The following ZFHX3 variants were observed in gnomAD, a reference collection of about 807,000 sequenced individuals.
ZFHX3 encodes zinc finger homeobox 3, also known as zinc finger homeobox protein 3.
ZFHX3 carries 42 observed loss-of-function variants against 279.1 expected under a neutral mutation model. The observed-to-expected ratio is 0.15, with a 90% CI of 0.12 to 0.19. The LOEUF (loss-of-function observed/expected upper bound fraction) is 0.19. ZFHX3 is among the 10% of genes least tolerant of loss of function. The probability of loss-of-function intolerance (pLI) is 1.00; values close to 1 mark genes in which losing one functional copy is unlikely to be tolerated. For synonymous variants in ZFHX3, 2,293 were observed against 1,957.8 expected, an observed-to-expected ratio of 1.17 and a Z score of -4.52; for missense variants, 4,981 against 4,754.0, an observed-to-expected ratio of 1.05 and a Z score of -1.40.
At chr16:72,849,496 A>G (rs1475625133) in intron 4 of ZFHX3, among the ~76,000 whole-genome samples, 1 of 152,148 alleles carries the variant, frequency 6.6e-6, no homozygotes, top group Non-Finnish European at 1.5e-5. Context: ...GATCCTGCCT[A>G]AGTCCCAACC....
At position 73,000,783 on chromosome 16, in the gene ZFHX3, G is replaced by T. The variant is rs536331884; in HGVS notation, c.-49-40589C>A. On this transcript the variant is annotated intron_variant, in intron 1 of 9. Coordinates refer to ENST00000268489, the MANE Select transcript of ZFHX3 (RefSeq NM_006885.4). ...GGATGGGCGTCAGATCATGTGACAAGACCTTCCTCCACGTTCGACACACTC... is the reference window on the plus strand; with the variant it reads ...GGATGGGCGTCAGATCATGTGACAATACCTTCCTCCACGTTCGACACACTC... 6.6e-5 allele frequency among the ~76,000 whole-genome samples: 10 copies of T among 152,308 alleles called. No individual in the cohort carries two copies. In the East Asian group the frequency reaches 1.9e-3, roughly 29 times the overall value.
intron 2 of ZFHX3, among the ~76,000 whole-genome samples, chr16:73,507,564 T>C (rs1412834203): frequency 1.4e-5 from 2 of 144,224 alleles, no homozygotes; most frequent in East Asian, 2.2e-4. Context: ...GGTGCAGTCA[T>C]GGCTCACTGC....
rs917662889 is a variant in ZFHX3, at chr16:73,104,811, C to T, written c.-896-11213G>A. On this transcript the variant is annotated intron_variant, in intron 7 of 17. Transcript: ENST00000641206. ...ACTTCAGAAGCCTTCCTTGGCCACT[C>T]CTTCAACCCCACCATTCTGTCCCCC... is the stretch of plus-strand genomic sequence containing the variant. 2.0e-5 allele frequency among the ~76,000 whole-genome samples: 3 copies of T among 152,076 alleles called. No individual in the cohort carries two copies. In the East Asian group the frequency reaches 5.8e-4, roughly 29 times the overall value.
At chr16:73,409,457 A>T (rs1055022255) in intron 3 of ZFHX3, among the ~76,000 whole-genome samples, 1 of 152,226 alleles carries the variant, frequency 6.6e-6, no homozygotes, top group African/African-American at 2.4e-5. Flanking sequence ...TATCCAAAAG[A>T]CAGGCAATAA....
chr16:73,397,847 G>A (rs551151824), intron 3 of ZFHX3, among the ~76,000 whole-genome samples: 152 of 152,086 alleles, frequency 1.0e-3, no homozygotes, highest in African/African-American at 3.3e-3. Flanking sequence ...TTTTGTTTTC[G>A]CTTTTGTTTC....
chr16:73,119,695 G>A (rs12446778), intron 7 of ZFHX3, among the ~76,000 whole-genome samples: 67,680 of 151,968 alleles, frequency 0.45, 16,719 homozygotes, highest in Middle Eastern at 0.6. Flanking sequence ...TTTATTTTAC[G>A]TCTTTTAGAA....
At chr16:73,319,224 T>C (rs1023647783) in intron 3 of ZFHX3, among the ~76,000 whole-genome samples, 2 of 152,050 alleles carry the variant, frequency 1.3e-5, no homozygotes, top group Admixed American at 6.6e-5. Context: ...TGATTCTTTA[T>C]GCTTCCCTGA....
intron 2 of ZFHX3, among the ~76,000 whole-genome samples, chr16:73,484,610 C>T (rs779925998): frequency 6.6e-6 from 1 of 152,198 alleles, no homozygotes; most frequent in African/African-American, 2.4e-5. Flanking sequence ...AGTATCACCA[C>T]GGTAGCAGGG....
intron 5 of ZFHX3, among the ~76,000 whole-genome samples, chr16:73,161,472 G>A (rs764070717): frequency 6.6e-6 from 1 of 152,202 alleles, no homozygotes; most frequent in Non-Finnish European, 1.5e-5. Flanking sequence ...GCTATTTGTG[G>A]AAGGGATTAT....
chr16:73,038,787 C>CTAT (rs10539654), intron 1 of ZFHX3, among the ~76,000 whole-genome samples: 2,971 of 147,048 alleles, frequency 0.02, 52 homozygotes, highest in Middle Eastern at 0.071. Context: ...CTTTTTATTA[C>CTAT]TATTATTATT....
At chr16:73,334,293 G>A (rs2015865171) in intron 3 of ZFHX3, among the ~76,000 whole-genome samples, 1 of 152,136 alleles carries the variant, frequency 6.6e-6, no homozygotes, top group African/African-American at 2.4e-5. Context: ...GCTGATCCGT[G>A]GGAGGGCCAT....
rs544506701 is a variant in ZFHX3, at chr16:73,548,467, C to CT, written c.-1546-92210dup. ...ACTTTTGACACTTTGGGTGTTTAGC[C>CT]TTTTTTTTTTTTAAAAAAAAGTGCA... On this transcript the variant is annotated intron_variant, in intron 2 of 17. Transcript: ENST00000641206. 7.6e-3 allele frequency among the ~76,000 whole-genome samples: 1,056 copies of CT among 138,620 alleles called. 9 individuals are homozygous for CT. Among genetic ancestry groups the CT allele is most frequent in the African/African-American group, 0.022 (817 of 37,890 alleles). The allele number at this position is 138,620 out of a possible 152,430, so 90.9% of individuals were successfully genotyped here. A position where few individuals can be genotyped will look rare whatever the true frequency, so the allele number is the denominator to read the frequency against.
intron 1 of ZFHX3, among the ~76,000 whole-genome samples, chr16:73,000,678 A>C (rs575522232): frequency 6.6e-6 from 1 of 152,148 alleles, no homozygotes; most frequent in Non-Finnish European, 1.5e-5. Flanking sequence ...TTCAGCGGCC[A>C]AACACCCATT....
chr16:73,387,609 C>A (rs2016927790), intron 3 of ZFHX3, among the ~76,000 whole-genome samples: 1 of 151,866 alleles, frequency 6.6e-6, no homozygotes. Flanking sequence ...AATAATCTTC[C>A]CCCCATCTTT....
chr16:73,024,267 G>A (rs1430444687), intron 1 of ZFHX3, among the ~76,000 whole-genome samples: 1 of 152,126 alleles, frequency 6.6e-6, no homozygotes, highest in Non-Finnish European at 1.5e-5. Context: ...AGGGGCGAAA[G>A]AAGAGAAGAG....
chr16:73,149,611 C>T (rs145378598), intron 5 of ZFHX3, among the ~76,000 whole-genome samples: 9 of 152,244 alleles, frequency 5.9e-5, no homozygotes, highest in Admixed American at 1.3e-4. Flanking sequence ...TCTTCTGCGG[C>T]GTTTCAGAGT....
chr16:73,199,421 AG>A (rs1968222365), intron 5 of ZFHX3, among the ~76,000 whole-genome samples: 1 of 152,210 alleles, frequency 6.6e-6, no homozygotes, highest in Non-Finnish European at 1.5e-5. Context: ...CTATGCCCAA[AG>A]CCTCTTGTTT....
intron 2 of ZFHX3, among the ~76,000 whole-genome samples, chr16:73,531,750 T>C (rs964926479): frequency 6.7e-6 from 1 of 150,222 alleles, no homozygotes; most frequent in Non-Finnish European, 1.5e-5. Context: ...ATATTTCCTT[T>C]GATGGATGTG....
At chr16:72,810,862 T>G (rs2143583055) in intron 7 of ZFHX3, among the ~76,000 whole-genome samples, 1 of 152,248 alleles carries the variant, frequency 6.6e-6, no homozygotes, top group South Asian at 2.1e-4. Context: ...CTGATGGGAA[T>G]GTGTCAAAAA....
Sources: gnomAD v4.1 joint callset for allele counts (sites outside exome capture counted in the v4.1 genomes callset) on GRCh38, gnomAD v4.1.1 for gene constraint, MANE v1.5 for transcripts, NCBI Gene and HGNC (gene_info 2026-07-23, HGNC 2026-07-21) for gene names.